The following DDR2 variants were observed in gnomAD, a reference collection of about 807,000 sequenced individuals.
DDR2 encodes discoidin domain-containing receptor 2.
In DDR2, 27 loss-of-function variants were observed where a neutral mutation model predicts 94.9. The observed-to-expected ratio is 0.28, with a 90% CI of 0.21 to 0.39. The LOEUF (loss-of-function observed/expected upper bound fraction) is 0.39, where lower values mean the gene tolerates loss of function less well. Among genes scored for constraint, DDR2 ranks in the 10% least tolerant of loss-of-function variants. DDR2 has a pLI of 1.00. For missense variants in DDR2, 783 were observed against 1,076.0 expected (o/e 0.73, Z 3.81); for synonymous variants, 382 against 377.2 (o/e 1.01, Z -0.15).
At chr1:162,740,532 G>C (rs1191002569) in intron 3 of DDR2, among the ~76,000 whole-genome samples, 1 of 152,044 alleles carries the variant, frequency 6.6e-6, no homozygotes. Flanking sequence ...CCTTCACTCA[G>C]GTCTCTGCTC....
At chr1:162,771,887 A>G (rs1481892288) in intron 12 of DDR2, 137 bp from the exon 13 acceptor site, 12 of 901,302 alleles carry the variant, frequency 1.3e-5, no homozygotes, top group Non-Finnish European at 1.9e-5. Context: ...AAGCAAAACC[A>G]TTTTCCAAGT....
intron 2 of DDR2, among the ~76,000 whole-genome samples, chr1:162,695,781 C>T (rs1266290147): frequency 6.6e-6 from 1 of 152,166 alleles, no homozygotes; most frequent in Non-Finnish European, 1.5e-5. Context: ...ATATGCCAGG[C>T]ACTATAAAAA....
intron 9 of DDR2, 80 bp downstream of exon 9, chr1:162,761,534 C>A (rs954952446): frequency 1.2e-6 from 2 of 1,606,568 alleles, no homozygotes. Context: ...TTCTCATTAG[C>A]AGGTCTCTGA....
At chr1:162,742,019 A>G (rs896148576) in intron 3 of DDR2, among the ~76,000 whole-genome samples, 4 of 152,164 alleles carry the variant, frequency 2.6e-5, no homozygotes, top group African/African-American at 9.7e-5. Flanking sequence ...GTGTTTCCTC[A>G]TCCTTACTCT....
chr1:162,760,084 G>T, intron 8 of DDR2, 105 bp downstream of exon 8: 1 of 1,441,656 alleles, frequency 6.9e-7, no homozygotes, highest in Non-Finnish European at 9.6e-7. Flanking sequence ...CCAGTTCAAT[G>T]ACATATTCTG....
intron 2 of DDR2, among the ~76,000 whole-genome samples, chr1:162,673,143 ATTCT>A (rs1658949614): frequency 6.6e-6 from 1 of 152,202 alleles, no homozygotes; most frequent in Admixed American, 6.5e-5. Context: ...GTACTTCCAA[ATTCT>A]TTCCCCTACC....
intron 2 of DDR2, among the ~76,000 whole-genome samples, chr1:162,710,523 T>A (rs2102012937): frequency 6.6e-6 from 1 of 152,296 alleles, no homozygotes; most frequent in South Asian, 2.1e-4. Flanking sequence ...TGAGGGCCCA[T>A]CTCTTGCCAA....
intron 13 of DDR2, 105 bp downstream of exon 13, chr1:162,772,352 C>G: frequency 1.7e-6 from 2 of 1,172,438 alleles, no homozygotes; most frequent in Middle Eastern, 1.9e-4. Context: ...AACAGAATGT[C>G]TCTTCCATTT....
chr1:162,715,262 TG>T (rs964983493), intron 2 of DDR2, among the ~76,000 whole-genome samples: 20 of 152,112 alleles, frequency 1.3e-4, no homozygotes, highest in African/African-American at 3.6e-4. Context: ...TTGTGTGTGT[TG>T]GGGGGGAATA....
intron 2 of DDR2, among the ~76,000 whole-genome samples, chr1:162,655,791 C>T (rs1657928095): frequency 6.6e-6 from 1 of 152,016 alleles, no homozygotes; most frequent in Non-Finnish European, 1.5e-5. Flanking sequence ...TTATTTTTAA[C>T]AATTATTTTA....
At chr1:162,640,992 G>A (rs1229978026) in intron 1 of DDR2, among the ~76,000 whole-genome samples, 2 of 152,042 alleles carry the variant, frequency 1.3e-5, no homozygotes, top group African/African-American at 4.8e-5. Flanking sequence ...CTGGGCTCAA[G>A]CAATCCTCCC....
At chr1:162,684,114 A>G (rs1293634799) in intron 2 of DDR2, among the ~76,000 whole-genome samples, 1 of 152,212 alleles carries the variant, frequency 6.6e-6, no homozygotes. Context: ...CTTATTTTTC[A>G]GAAAAGCTCT....
intron 2 of DDR2, among the ~76,000 whole-genome samples, chr1:162,676,731 G>A (rs1313896692): frequency 6.6e-6 from 1 of 152,190 alleles, no homozygotes; most frequent in African/African-American, 2.4e-5. Flanking sequence ...AAAGTCCCTG[G>A]AGTTAAAAAA....
intron 9 of DDR2, among the ~76,000 whole-genome samples, chr1:162,765,621 A>G (rs776091103): frequency 2.0e-5 from 3 of 151,842 alleles, no homozygotes; most frequent in Non-Finnish European, 4.4e-5. Flanking sequence ...TTGAAGGAAA[A>G]AGCATCTTAA....
intron 2 of DDR2, among the ~76,000 whole-genome samples, chr1:162,699,186 A>T (rs1315510890): frequency 6.6e-6 from 1 of 152,196 alleles, no homozygotes; most frequent in Non-Finnish European, 1.5e-5. Flanking sequence ...CAGATAAGAG[A>T]CATTTGAATT....
chr1:162,740,856 C>T (rs544690745), intron 3 of DDR2, among the ~76,000 whole-genome samples: 4 of 152,040 alleles, frequency 2.6e-5, no homozygotes, highest in Admixed American at 6.6e-5. Context: ...CTGAACACAG[C>T]GTTGGTTTCA....
At chr1:162,701,317 C>A (rs1264187170) in intron 2 of DDR2, among the ~76,000 whole-genome samples, 1 of 152,220 alleles carries the variant, frequency 6.6e-6, no homozygotes, top group Non-Finnish European at 1.5e-5. Flanking sequence ...GCCACAGTAT[C>A]TGGGCCAGAT....
intron 2 of DDR2, among the ~76,000 whole-genome samples, chr1:162,712,281 A>G (rs184162615): frequency 1.9e-4 from 29 of 150,574 alleles, no homozygotes; most frequent in Admixed American, 1.5e-3. Context: ...AACCCTGCCT[A>G]TAAGAACCCT....
At position 162,780,412 on chromosome 1, in the gene DDR2, C is replaced by CAA; in HGVS notation, c.*167_*168insAA. 1.3e-6 allele frequency: 1 copy of CAA among 761,822 alleles called. No homozygotes were observed. The highest frequency in any genetic ancestry group is 1.9e-6 in the Non-Finnish European group (1 of 534,676). The allele number at this position is 761,822 out of a possible 1,614,324, so 47.2% of individuals were successfully genotyped here. On this transcript the variant is annotated 3_prime_UTR_variant, in exon 18 of 18. Transcript: ENST00000367921. ...TCACCCCCACTCCCTACCCCTGACTCATATACACTTTTTTTTTTTTTTACA... is the reference window on the plus strand; with the variant it reads ...TCACCCCCACTCCCTACCCCTGACTCAAATATACACTTTTTTTTTTTTTTACA...
Sources: gnomAD v4.1 joint callset for allele counts (sites outside exome capture counted in the v4.1 genomes callset) on GRCh38, gnomAD v4.1.1 for gene constraint, MANE v1.5 for transcripts, NCBI Gene and HGNC (gene_info 2026-07-23, HGNC 2026-07-21) for gene names.